The following EXOC6B variants were observed in gnomAD, a reference collection of about 807,000 sequenced individuals.
EXOC6B encodes exocyst complex component 6B.
A neutral mutation model predicts 113.5 loss-of-function variants in EXOC6B; 54 were observed. The ratio of observed to expected loss-of-function variants is 0.48; its 90% CI spans 0.38 to 0.60. The LOEUF (loss-of-function observed/expected upper bound fraction) is 0.60. Among genes scored for constraint, EXOC6B ranks in the 20% least tolerant of loss-of-function variants. The pLI, the probability that EXOC6B is intolerant of heterozygous loss-of-function variation, is 0.00. For synonymous variants in EXOC6B, 357 were observed against 339.0 expected, an observed-to-expected ratio of 1.05 and a Z score of -0.58; for missense variants, 797 against 977.5, an observed-to-expected ratio of 0.82 and a Z score of 2.46.
At chr2:72,439,704 T>C (rs1696082033) in intron 18 of EXOC6B, among the ~76,000 whole-genome samples, 1 of 152,210 alleles carries the variant, frequency 6.6e-6, no homozygotes, top group Non-Finnish European at 1.5e-5. Flanking sequence ...ATCCAAATTC[T>C]GAATTCTACT....
chr2:72,653,078 A>G (rs1674311973), intron 6 of EXOC6B, among the ~76,000 whole-genome samples: 1 of 151,940 alleles, frequency 6.6e-6, no homozygotes. Flanking sequence ...AATACTATAA[A>G]TCATGCTGCT....
At chr2:72,470,516 C>A (rs1013460544) in intron 17 of EXOC6B, among the ~76,000 whole-genome samples, 1 of 151,894 alleles carries the variant, frequency 6.6e-6, no homozygotes, top group Non-Finnish European at 1.5e-5. Flanking sequence ...TTGCACAACG[C>A]GCAGGTTTGA....
chr2:72,671,287 A>C (rs1675774621), intron 6 of EXOC6B, among the ~76,000 whole-genome samples: 1 of 152,244 alleles, frequency 6.6e-6, no homozygotes, highest in African/African-American at 2.4e-5. Flanking sequence ...AATAACCAGA[A>C]CATATAAGGA....
At chr2:72,575,816 C>T (rs1438687872) in intron 6 of EXOC6B, 148 bp from the exon 7 acceptor site, 1 of 635,228 alleles carries the variant, frequency 1.6e-6, no homozygotes, top group Non-Finnish European at 2.5e-6. Flanking sequence ...GAAAATACTA[C>T]AACAAAAGGC....
intron 18 of EXOC6B, among the ~76,000 whole-genome samples, chr2:72,445,093 T>TGC (rs35353220): frequency 0.012 from 1,764 of 152,320 alleles, 55 homozygotes; most frequent in African/African-American, 0.04. Context: ...AATGCTTTGC[T>TGC]TTGAAATTTC....
intron 6 of EXOC6B, among the ~76,000 whole-genome samples, chr2:72,693,273 T>C (rs1335574012): frequency 6.6e-6 from 1 of 151,336 alleles, no homozygotes; most frequent in Non-Finnish European, 1.5e-5. Context: ...TCTCCATATG[T>C]ATAAGGTTTG....
At chr2:72,633,398 G>A (rs868141991) in intron 6 of EXOC6B, among the ~76,000 whole-genome samples, 1 of 152,080 alleles carries the variant, frequency 6.6e-6, no homozygotes, top group African/African-American at 2.4e-5. Flanking sequence ...ATCATACAAT[G>A]TATGCTGTTG....
intron 17 of EXOC6B, among the ~76,000 whole-genome samples, chr2:72,475,941 T>C (rs1056625931): frequency 6.6e-6 from 1 of 152,182 alleles, no homozygotes; most frequent in Non-Finnish European, 1.5e-5. Context: ...GCACCTAAGC[T>C]GGGAGGCAGC....
chr2:72,793,658 A>T (rs1015740205), intron 1 of EXOC6B, among the ~76,000 whole-genome samples: 2 of 152,244 alleles, frequency 1.3e-5, no homozygotes, highest in Admixed American at 6.5e-5. Flanking sequence ...GTAGAAAATG[A>T]TGAAAAGAAC....
Position 72,825,720 on chromosome 2 carries a change from C to G in EXOC6B, c.113+78G>C, listed in dbSNP as rs948636753. 34 of 1,430,712 alleles carry G rather than the reference C, an allele frequency of 2.4e-5. No individual in the cohort carries two copies. The highest frequency in any genetic ancestry group is 2.7e-5 in the Non-Finnish European group (29 of 1,086,202). 88.6% of individuals were successfully genotyped at this position (1,430,712 alleles called of 1,614,324 possible). On this transcript the variant is annotated intron_variant, in intron 1 of 21. Transcript: ENST00000272427. The surrounding 1 kb of genome is among the most constrained non-coding windows in gnomAD (Gnocchi z 4.4). ...GGCCGGCGCCGGACCTGGGGACAGC[C>G]GGCCGGAGGCCCGACCCAGAGGAGC...
intron 8 of EXOC6B, among the ~76,000 whole-genome samples, chr2:72,536,556 T>C (rs1163191039): frequency 6.6e-6 from 1 of 152,234 alleles, no homozygotes. Flanking sequence ...TTTTTGGGGT[T>C]GTAAATACCA....
At chr2:72,686,207 T>C (rs1186973853) in intron 6 of EXOC6B, among the ~76,000 whole-genome samples, 1 of 152,206 alleles carries the variant, frequency 6.6e-6, no homozygotes, top group Non-Finnish European at 1.5e-5. Context: ...TTAAGTTCCA[T>C]GGTATATGAA....
At chr2:72,205,710 G>C (rs1679798335) in intron 20 of EXOC6B, among the ~76,000 whole-genome samples, 1 of 152,146 alleles carries the variant, frequency 6.6e-6, no homozygotes, top group African/African-American at 2.4e-5. Flanking sequence ...ATCCACATGA[G>C]GAAGGCGGTT....
At chr2:72,417,888 A>G (rs145571931) in intron 18 of EXOC6B, among the ~76,000 whole-genome samples, 1,553 of 152,034 alleles carry the variant, frequency 0.01, 10 homozygotes, top group Non-Finnish European at 0.017. Context: ...ATATATTTTT[A>G]TCTTATTTTG....
intron 6 of EXOC6B, among the ~76,000 whole-genome samples, chr2:72,601,783 G>A (rs567256652): frequency 3.9e-5 from 6 of 152,206 alleles, no homozygotes; most frequent in African/African-American, 1.2e-4. Flanking sequence ...ATGTCTTTTG[G>A]TAAGCAAATG....
intron 20 of EXOC6B, among the ~76,000 whole-genome samples, chr2:72,196,101 TACCA>T (rs1679151944): frequency 6.6e-6 from 1 of 152,196 alleles, no homozygotes; most frequent in South Asian, 2.1e-4. Context: ...AAATGTCTTT[TACCA>T]ACAGTGAATT....
intron 6 of EXOC6B, among the ~76,000 whole-genome samples, chr2:72,670,841 G>C (rs576487410): frequency 1.3e-5 from 2 of 152,132 alleles, no homozygotes; most frequent in Admixed American, 6.5e-5. Context: ...TCAGTCCTTG[G>C]AGTTCTCTCT....
At chr2:72,248,693 GAAA>G (rs1682819799) in intron 20 of EXOC6B, among the ~76,000 whole-genome samples, 2 of 152,136 alleles carry the variant, frequency 1.3e-5, no homozygotes, top group Admixed American at 1.3e-4. Flanking sequence ...TAGAATAAAT[GAAA>G]AAGAGTTTTA....
At chr2:72,209,855 T>C (rs1365022013) in intron 20 of EXOC6B, among the ~76,000 whole-genome samples, 1 of 152,212 alleles carries the variant, frequency 6.6e-6, no homozygotes, top group African/African-American at 2.4e-5. Context: ...TTGAATACAC[T>C]CTTACTTACC....
Sources: allele counts gnomAD v4.1 joint callset (sites outside exome capture counted in the v4.1 genomes callset), GRCh38; gene constraint gnomAD v4.1.1; non-coding constraint Gnocchi (gnomAD v3.1); transcripts MANE v1.5; gene names NCBI Gene and HGNC (gene_info 2026-07-23, HGNC 2026-07-21).